Variants in C5 observed in about 807,000 individuals in gnomAD.
C5 encodes C3 and PZP-like alpha-2-macroglobulin domain-containing protein 4.
Under a neutral mutation model 218.8 loss-of-function variants are expected in C5, and 140 were observed. The ratio of observed to expected loss-of-function variants is 0.64; its 90% CI spans 0.56 to 0.74. The LOEUF is 0.74. Among genes scored for constraint, C5 ranks in the 30% least tolerant of loss-of-function variants. C5 has a pLI of 0.00. For missense variants in C5, 1,700 were observed against 1,969.6 expected, an observed-to-expected ratio of 0.86 and a Z score of 2.59; for synonymous variants, 614 against 682.3, an observed-to-expected ratio of 0.90 and a Z score of 1.56.
At chr9:120,987,019 A>C (rs1239291957) in intron 25 of C5, among the ~76,000 whole-genome samples, 1 of 152,212 alleles carries the variant, frequency 6.6e-6, no homozygotes, top group Non-Finnish European at 1.5e-5. Flanking sequence ...GGAAGGAATC[A>C]AAAACCAACT....
intron 28 of C5, among the ~76,000 whole-genome samples, chr9:120,977,407 CT>C (rs2046961572): frequency 6.6e-6 from 1 of 152,106 alleles, no homozygotes; most frequent in Admixed American, 6.5e-5. Context: ...ATCTGAAATA[CT>C]TCTGGTCCCA....
Position 120,963,007 on chromosome 9 carries a change from A to T in C5, c.4324-40T>A, listed in dbSNP as rs983931912. Reference sequence around the variant, plus strand: ...AGAGAAGCTTGAATTTCATTTCATTATCTTTTTGTTTAAATGCATTCACCT... The same window carrying T: ...AGAGAAGCTTGAATTTCATTTCATTTTCTTTTTGTTTAAATGCATTCACCT... On this transcript the variant is annotated intron_variant, in intron 34 of 40. Coordinates refer to ENST00000223642, the MANE Select transcript of C5 (RefSeq NM_001735.3). 20 of 1,505,984 alleles carry T rather than the reference A, an allele frequency of 1.3e-5. No individual in the cohort carries two copies. In the East Asian group the frequency reaches 4.5e-4, roughly 34 times the overall value. 93.3% of individuals were successfully genotyped at this position (1,505,984 alleles called of 1,614,324 possible).
In C5 at chr9:121,030,507, G is replaced by A; in HGVS notation, c.668-20C>T. On this transcript the variant is annotated intron_variant, in intron 6 of 40. Coordinates refer to ENST00000223642, the MANE Select transcript of C5 (RefSeq NM_001735.3). ...GCAAGACTGAAAATAAAAACAAACAGGTAATATTACCATTTTGATTAGAGC... is the reference window on the plus strand; with the variant it reads ...GCAAGACTGAAAATAAAAACAAACAAGTAATATTACCATTTTGATTAGAGC... The A allele has an allele frequency of 7.1e-7, 1 of 1,408,252 alleles. No homozygotes were observed. The highest frequency in any genetic ancestry group is 9.8e-7 in the Non-Finnish European group (1 of 1,018,676). The allele number at this position is 1,408,252 out of a possible 1,614,324, so 87.2% of individuals were successfully genotyped here.
intron 20 of C5, among the ~76,000 whole-genome samples, chr9:121,000,897 GT>G (rs2047156205): frequency 3.3e-5 from 5 of 152,044 alleles, no homozygotes; most frequent in Admixed American, 2.0e-4. Context: ...TATACTCAAT[GT>G]TTAGCTCCCA....
intron 33 of C5, among the ~76,000 whole-genome samples, chr9:120,966,414 T>G (rs746000621): frequency 3.3e-5 from 5 of 152,256 alleles, no homozygotes; most frequent in Non-Finnish European, 7.3e-5. Flanking sequence ...CTTTGCTTTA[T>G]AGAAGAGGAT....
chr9:121,051,583 T>C (rs1012284849), upstream of C5, among the ~76,000 whole-genome samples: 4 of 152,230 alleles, frequency 2.6e-5, no homozygotes, highest in African/African-American at 9.6e-5. Context: ...TATAATGAGA[T>C]ATTTATGATA....
Position 121,013,884 on chromosome 9 carries a change from A to C in C5, c.2246T>G (p.Leu749Trp). The C allele has an allele frequency of 6.2e-7, 1 of 1,613,992 alleles. No homozygotes were observed. Among genetic ancestry groups the C allele is most frequent in the South Asian group, 1.1e-5 (1 of 91,074 alleles). Reference protein sequence around the residue: ...RANISHKDMQLGRLHMKTLLP... With the variant: ...RANISHKDMQWGRLHMKTLLP... Reference sequence around the variant, plus strand: ...AATGTCATACTTACGTAGCCTTCCCAATTGCATGTCTTTATGAGAGATATT... The same window carrying C: ...AATGTCATACTTACGTAGCCTTCCCCATTGCATGTCTTTATGAGAGATATT... Residue 749 changes from leucine (L) to tryptophan (W), a missense_variant, in exon 17 of 41, where the codon TTG becomes TGG. Coordinates refer to ENST00000223642, the MANE Select transcript of C5 (RefSeq NM_001735.3).
At chr9:121,022,933 CAG>C (rs1056755536) in intron 10 of C5, among the ~76,000 whole-genome samples, 5 of 151,810 alleles carry the variant, frequency 3.3e-5, no homozygotes, top group Admixed American at 3.3e-4. Flanking sequence ...AGAGATTGAA[CAG>C]AGTTATGCAC....
chr9:120,963,240 A>T (rs1329657685), intron 34 of C5, among the ~76,000 whole-genome samples: 1 of 152,226 alleles, frequency 6.6e-6, no homozygotes, highest in African/African-American at 2.4e-5. Flanking sequence ...CTGGTGGCTC[A>T]CGCCTGTAAT....
At chr9:121,067,755 A>G in the C5 span, among the ~76,000 whole-genome samples, 1 of 151,920 alleles carries the variant, frequency 6.6e-6, no homozygotes, top group African/African-American at 2.4e-5. Context: ...GTAAGTTCTC[A>G]TGAGAGCTGA....
chr9:120,991,714 T>C (rs2047078245), intron 22 of C5, among the ~76,000 whole-genome samples: 1 of 152,208 alleles, frequency 6.6e-6, no homozygotes, highest in South Asian at 2.1e-4. Context: ...CAGTCTAGTT[T>C]TGATACTTTT....
At chr9:120,991,654 A>G (rs970588363) in intron 22 of C5, among the ~76,000 whole-genome samples, 1 of 152,248 alleles carries the variant, frequency 6.6e-6, no homozygotes, top group African/African-American at 2.4e-5. Context: ...TATATTGAAC[A>G]TTAGCTCCAC....
chr9:120,980,140 T>C lies in C5; in HGVS notation c.3601A>G (p.Thr1201Ala). Residue 1201 changes from threonine to alanine, a missense_variant, in exon 28 of 41, where the codon ACT becomes GCT. By Grantham distance (58) the Thr-to-Ala change is moderately conservative. Transcript: ENST00000223642. ...SAYALSLGDK[T>A]HPQFRSIVSA... is the part of the protein sequence containing the mutation. ...ACAATTGAACGAAACTGTGGGTGAG[T>C]TTTATCTCCCAGGGAAAGAGCATAC... The C allele has an allele frequency of 6.2e-7, 1 of 1,613,822 alleles. No individual in the cohort carries two copies. Among genetic ancestry groups the C allele is most frequent in the Admixed American group, 1.7e-5 (1 of 59,986 alleles).
intron 20 of C5, 114 bp from the exon 21 acceptor site, chr9:120,997,888 C>T (rs184544968): frequency 5.3e-5 from 45 of 843,218 alleles, no homozygotes; most frequent in East Asian, 3.3e-4. Flanking sequence ...CTGCAACCTC[C>T]GCCTCCCGGA....
rs2047414206 is a variant in C5, at chr9:121,025,554, T to G, written c.900A>C (p.Thr300=). The G allele has an allele frequency of 6.2e-7, 1 of 1,612,944 alleles. No homozygotes were observed. The highest frequency in any genetic ancestry group is 1.3e-5 in the African/African-American group (1 of 74,994). The part of the protein sequence containing the change: ...TMLINGIAQV[T]FDSETAVKEL... The stretch of plus-strand genomic sequence containing the variant: ...CTTTGACTGCTGTTTCAGAATCAAA[T>G]GTGACTTGAGCAATTCCATTTATCA... The change falls in exon 9 of 41, where the codon ACA becomes ACC. Residue 300 remains threonine, a synonymous_variant. Transcript: ENST00000223642.
At chr9:120,965,620 T>C (rs2046861839) in intron 33 of C5, among the ~76,000 whole-genome samples, 1 of 152,154 alleles carries the variant, frequency 6.6e-6, no homozygotes, top group Non-Finnish European at 1.5e-5. Context: ...AGAAAAGTAT[T>C]CTAAAATCTC....
At chr9:121,008,353 A>G (rs1234869645) in intron 18 of C5, 55 bp downstream of exon 18, 1 of 1,330,998 alleles carries the variant, frequency 7.5e-7, no homozygotes, top group Non-Finnish European at 1.1e-6. Context: ...ATTTTTGGCC[A>G]TAATACTTGC....
At chr9:121,041,248 A>G (rs2047576592) in intron 3 of C5, among the ~76,000 whole-genome samples, 1 of 139,142 alleles carries the variant, frequency 7.2e-6, no homozygotes, top group Admixed American at 7.4e-5. Context: ...CTGGCCAGGT[A>G]TTACATCATC....
rs557195827 is a variant in C5, at chr9:120,989,286, G to A, written c.3155-165C>T. Among the ~76,000 whole-genome samples the A allele has an allele frequency of 9.8e-5, 15 of 152,316 alleles. No homozygotes were observed. In the South Asian group the frequency reaches 2.3e-3, roughly 23 times the overall value. ...CTCAAAGGAAGTATATGAATTGCTC[G>A]AATTGGGAATTATCAAGTAGAACAT... On this transcript the variant is annotated intron_variant, in intron 24 of 40. Transcript: ENST00000223642.
Sources: allele counts gnomAD v4.1 joint callset (sites outside exome capture counted in the v4.1 genomes callset), GRCh38; gene constraint gnomAD v4.1.1; transcripts MANE v1.5; gene names NCBI Gene and HGNC (gene_info 2026-07-23, HGNC 2026-07-21).